Variants in DACH2 observed in about 807,000 individuals in gnomAD.
The protein encoded by DACH2 is dachshund family transcription factor 2, also known as dachshund homolog 2.
Under a neutral mutation model 35.8 loss-of-function variants are expected in DACH2, and 17 were observed. The ratio of observed to expected loss-of-function variants is 0.48; its 90% CI spans 0.33 to 0.71. DACH2 has a LOEUF of 0.71. DACH2 is among the 30% of genes least tolerant of loss of function. The pLI is 0.02. For missense variants in DACH2, 469 were observed against 472.7 expected, an observed-to-expected ratio of 0.99 and a Z score of 0.07; for synonymous variants, 195 against 177.3, an observed-to-expected ratio of 1.10 and a Z score of -0.79.
chrX:86,592,317 G>A (rs1341528043), intron 3 of DACH2, among the ~76,000 whole-genome samples: 1 of 111,648 alleles, frequency 9.0e-6, no homozygotes, highest in Admixed American at 9.5e-5. Context: ...TGTCAAAGTT[G>A]ACTATATTTG....
intron 1 of DACH2, among the ~76,000 whole-genome samples, chrX:86,149,314 G>A (rs1226283085): frequency 1.8e-5 from 2 of 111,851 alleles, no homozygotes; most frequent in Admixed American, 9.4e-5. Flanking sequence ...CAAGGGCTTC[G>A]GTCTAAAAAA....
intron 3 of DACH2, among the ~76,000 whole-genome samples, chrX:86,587,645 A>C (rs2039591294): frequency 8.9e-6 from 1 of 111,744 alleles, no homozygotes; most frequent in Non-Finnish European, 1.9e-5. Flanking sequence ...AATGATAAGC[A>C]TTTGTTCAAA....
At chrX:86,552,460 T>C (rs1416968954) in intron 3 of DACH2, among the ~76,000 whole-genome samples, 1 of 112,147 alleles carries the variant, frequency 8.9e-6, no homozygotes, top group African/African-American at 3.2e-5. Flanking sequence ...TGGGCATTAT[T>C]GCAAAGCACC....
At chrX:86,348,780 A>G (rs988833350) in intron 1 of DACH2, among the ~76,000 whole-genome samples, 3 of 112,694 alleles carry the variant, frequency 2.7e-5, no homozygotes, top group African/African-American at 6.5e-5. Context: ...TTTTGTCATT[A>G]TAAGTGAAAC....
chrX:86,397,205 G>T (rs1048576490), intron 2 of DACH2, among the ~76,000 whole-genome samples: 1 of 111,273 alleles, frequency 9.0e-6, no homozygotes, highest in Non-Finnish European at 1.9e-5. Flanking sequence ...TGTTTTTGGT[G>T]TATAAAAATG....
intron 3 of DACH2, among the ~76,000 whole-genome samples, chrX:86,617,149 G>A (rs986979342): frequency 1.8e-5 from 2 of 111,673 alleles, no homozygotes; most frequent in Non-Finnish European, 3.8e-5. Flanking sequence ...GTACCATGCT[G>A]TTTTGGTTAT....
At chrX:86,228,639 C>A (rs1294214059) in intron 1 of DACH2, among the ~76,000 whole-genome samples, 1 of 110,405 alleles carries the variant, frequency 9.1e-6, no homozygotes, top group African/African-American at 3.3e-5. Context: ...TTTTTTGATT[C>A]TTTGATTATG....
intron 1 of DACH2, among the ~76,000 whole-genome samples, chrX:86,327,581 G>GA (rs2035138722): frequency 1.9e-5 from 2 of 107,571 alleles, no homozygotes; most frequent in African/African-American, 7.1e-5. Context: ...ATGAGTACAA[G>GA]AAAAAAGGTA....
intron 2 of DACH2, among the ~76,000 whole-genome samples, chrX:86,411,658 G>A (rs1223207316): frequency 9.0e-6 from 1 of 111,695 alleles, no homozygotes. Context: ...AAATGAAAAT[G>A]AAATAAAATA....
intron 3 of DACH2, among the ~76,000 whole-genome samples, chrX:86,622,524 G>A: frequency 9.0e-6 from 1 of 111,250 alleles, no homozygotes; most frequent in South Asian, 3.8e-4. Flanking sequence ...AGAATCAAAA[G>A]GAAGCATTCT....
intron 2 of DACH2, among the ~76,000 whole-genome samples, chrX:86,455,505 G>T (rs1181339870): frequency 2.7e-5 from 3 of 112,052 alleles, no homozygotes; most frequent in Non-Finnish European, 5.6e-5. Context: ...CCCTCAGAGG[G>T]TCCCAGACCA....
rs746792252 is a variant in DACH2 at position 86,667,305 on chromosome X, AGAAGGAAGGAAGGAAG to A, written c.772+16175_772+16190del. On this transcript the variant is annotated intron_variant, in intron 4 of 11. Transcript: ENST00000373125. The stretch of plus-strand genomic sequence containing the variant: ...AGAGAGGAAGGAAGGAAGGAAGGAA[AGAAGGAAGGAAGGAAG>A]GAAGGAAGGAAGGAAGGAAGGAAGG... Among the ~76,000 whole-genome samples, 28 of 33,932 alleles carry A rather than the reference AGAAGGAAGGAAGGAAG, an allele frequency of 8.3e-4. 1 individual carries two copies. Among genetic ancestry groups the A allele is most frequent in the African/African-American group, 2.5e-3 (19 of 7,647 alleles). The allele number at this position is 33,932 out of a possible 115,157, so 29.5% of individuals were successfully genotyped here.
chrX:86,725,654 G>C (rs1037834761), intron 6 of DACH2, among the ~76,000 whole-genome samples: 4 of 111,239 alleles, frequency 3.6e-5, no homozygotes, highest in Non-Finnish European at 7.5e-5. Context: ...TTGTTCGGAT[G>C]CTGGTAGTGG....
intron 1 of DACH2, among the ~76,000 whole-genome samples, chrX:86,305,857 T>G (rs1397096408): frequency 2.7e-5 from 3 of 111,582 alleles, no homozygotes; most frequent in Admixed American, 1.9e-4. Flanking sequence ...TCAACATCAC[T>G]CAACATCAGG....
chrX:86,455,831 G>A (rs375683728), intron 2 of DACH2, among the ~76,000 whole-genome samples: 1 of 112,217 alleles, frequency 8.9e-6, no homozygotes, highest in African/African-American at 3.2e-5. Flanking sequence ...CCTGGATTCA[G>A]CCTCCTTTCT....
intron 5 of DACH2, among the ~76,000 whole-genome samples, chrX:86,714,028 T>C (rs142513358): frequency 0.025 from 2,786 of 111,738 alleles, 43 homozygotes; most frequent in Middle Eastern, 0.042. Context: ...TAAGCATTCA[T>C]TTTAGAGATT....
chrX:86,695,488 G>C (rs1231803359), intron 5 of DACH2, among the ~76,000 whole-genome samples: 1 of 108,213 alleles, frequency 9.2e-6, no homozygotes, highest in African/African-American at 3.4e-5. Context: ...ACACAAACTT[G>C]TGTTTGAATT....
At chrX:86,697,991 A>G (rs1320483137) in intron 5 of DACH2, among the ~76,000 whole-genome samples, 1 of 112,016 alleles carries the variant, frequency 8.9e-6, no homozygotes, top group Admixed American at 9.5e-5. Flanking sequence ...AACACTAAGT[A>G]GGATAAATAC....
chrX:86,369,940 A>G (rs1329214284), intron 1 of DACH2, among the ~76,000 whole-genome samples: 1 of 111,565 alleles, frequency 9.0e-6, no homozygotes. Context: ...AATATGTTTT[A>G]TAAAAATAAC....
Sources: allele counts gnomAD v4.1 joint callset (sites outside exome capture counted in the v4.1 genomes callset), GRCh38; gene constraint gnomAD v4.1.1; transcripts MANE v1.5; gene names NCBI Gene and HGNC (gene_info 2026-07-23, HGNC 2026-07-21).